PCDHA8: variants seen among roughly 807,000 people sequenced by gnomAD.
PCDHA8 encodes the protein protocadherin alpha-8.
Under a neutral mutation model 61.8 loss-of-function variants are expected in PCDHA8, and 53 were observed. The ratio of observed to expected loss-of-function variants is 0.86; its 90% confidence interval spans 0.69 to 1.08. The LOEUF (loss-of-function observed/expected upper bound fraction) is 1.08. Among genes scored for constraint, PCDHA8 ranks in the 50% least tolerant of loss-of-function variants. PCDHA8 has a pLI of 0.00. For synonymous variants in PCDHA8, 618 were observed against 556.6 expected, an observed-to-expected ratio of 1.11 and a Z score of -1.55; for missense variants, 1,293 against 1,245.0, an observed-to-expected ratio of 1.04 and a Z score of -0.58.
At chr5:140,857,662 TGGG>T (rs782196034) in intron 1 of PCDHA8, 1 of 1,596,528 alleles carries the variant, frequency 6.3e-7, no homozygotes. Context: ...GCGCGCGCGA[TGGG>T]GGCGTGCCGC....
chr5:140,890,096 C>T (rs967857035), intron 1 of PCDHA8, among the ~76,000 whole-genome samples: 1 of 152,124 alleles, frequency 6.6e-6, no homozygotes, highest in Non-Finnish European at 1.5e-5. Flanking sequence ...AAATTTATTC[C>T]CAACTCTGGA....
rs2098423512 is a variant in PCDHA8 at position 141,012,298 on chromosome 5, T to A, written c.*2361T>A. On this transcript the variant is annotated 3_prime_UTR_variant, in exon 4 of 4. Transcript: ENST00000531613. ...ATGTGGATTCATTTTGAATTGGTGC[T>A]ATTGGTATTTCCTCTGTTATTGCTA... is the stretch of plus-strand genomic sequence containing the variant. The A allele has an allele frequency of 6.5e-6, 1 of 153,804 alleles. No individual in the cohort carries two copies. Among genetic ancestry groups the A allele is most frequent in the Non-Finnish European group, 1.5e-5 (1 of 68,048 alleles). 9.5% of individuals were successfully genotyped at this position (153,804 alleles called of 1,614,324 possible). A position where few individuals can be genotyped will look rare whatever the true frequency, so the allele number is the denominator to read the frequency against.
chr5:140,875,751 G>A lies in PCDHA8; in HGVS notation c.2394+32036G>A, dbSNP rs781862261. On this transcript the variant is annotated intron_variant, in intron 1 of 3. Transcript: ENST00000531613. ...TTGTGAATTCTCGGATCGACCGCGA[G>A]AAGCTGTGCGGGCGGAGCGCGGAGT... 1.9e-6 allele frequency: 3 copies of A among 1,614,278 alleles called. No individual in the cohort carries two copies. In the South Asian group the frequency reaches 3.3e-5, roughly 18 times the overall value.
intron 1 of PCDHA8, among the ~76,000 whole-genome samples, chr5:140,971,749 CAT>C (rs143190557): frequency 0.047 from 7,111 of 152,104 alleles, 190 homozygotes; most frequent in Non-Finnish European, 0.062. Context: ...ACATATATCT[CAT>C]ATTACTGAAT....
chr5:140,893,338 T>C (rs1409461265), intron 1 of PCDHA8, among the ~76,000 whole-genome samples: 1 of 152,174 alleles, frequency 6.6e-6, no homozygotes, highest in African/African-American at 2.4e-5. Context: ...TTTTCCTTAG[T>C]GGCAGTGCTA....
chr5:140,943,333 T>C (rs1337058167), intron 1 of PCDHA8, among the ~76,000 whole-genome samples: 1 of 150,974 alleles, frequency 6.6e-6, no homozygotes, highest in East Asian at 1.9e-4. Flanking sequence ...GTAGTATCCA[T>C]TGGACAGGAT....
intron 1 of PCDHA8, among the ~76,000 whole-genome samples, chr5:140,974,086 A>G (rs1554235813): frequency 2.6e-5 from 4 of 152,256 alleles, no homozygotes; most frequent in Non-Finnish European, 5.9e-5. Context: ...CATGACTTCA[A>G]AAATCAAAGG....
intron 1 of PCDHA8, chr5:140,877,685 C>G (rs377753884): frequency 5.0e-6 from 8 of 1,613,628 alleles, no homozygotes; most frequent in African/African-American, 2.7e-5. Flanking sequence ...GGCAAGCCCA[C>G]GCTGGTGTGC....
rs1028376160 is a variant in PCDHA8 at position 140,924,281 on chromosome 5, C to T, written c.2395-54668C>T. Among the ~76,000 whole-genome samples the T allele has an allele frequency of 2.6e-5, 4 of 152,170 alleles. No individual in the cohort carries two copies. The East Asian group carries it at 7.7e-4, about 29-fold the overall frequency. ...TAATGAGGTCTGTACTTGTGACTAC[C>T]TAATAGGCTGACATGTTTCCTCCTT... is the stretch of plus-strand genomic sequence containing the variant. On this transcript the variant is annotated intron_variant, in intron 1 of 3. Coordinates refer to ENST00000531613, the MANE Select transcript of PCDHA8 (RefSeq NM_018911.3).
rs111298048 is a variant in PCDHA8 at position 140,841,325 on chromosome 5, G to A, written c.4G>A (p.Asp2Asn). MDYHWRGELGSW... is the reference protein window; with the variant it reads MNYHWRGELGSW... ...TGATAGGAAACGACTATTTAACATG[G>A]ATTATCACTGGCGAGGAGAGCTGGG... The change falls in exon 1 of 4, where the codon GAT (aspartate) becomes AAT (asparagine). Residue 2 changes from aspartate (D) to asparagine (N), a missense_variant. Asp to Asn is a conservative substitution (Grantham distance 23). Coordinates refer to ENST00000531613, the MANE Select transcript of PCDHA8 (RefSeq NM_018911.3). 9,405 of 1,608,142 alleles carry A rather than the reference G, an allele frequency of 5.8e-3. 135 individuals are homozygous for A. Among genetic ancestry groups the A allele is most frequent in the Non-Finnish European group, 7.0e-3 (8,183 of 1,176,604 alleles).
At chr5:140,984,533 T>C (rs1477702565) in intron 3 of PCDHA8, among the ~76,000 whole-genome samples, 1 of 152,216 alleles carries the variant, frequency 6.6e-6, no homozygotes, top group African/African-American at 2.4e-5. Context: ...CTTCATGGAC[T>C]GTGCTGGATA....
chr5:140,928,863 C>T (rs1554206433), intron 1 of PCDHA8: 8 of 1,614,172 alleles, frequency 5.0e-6, no homozygotes, highest in Middle Eastern at 1.7e-4. Context: ...TGCTGTTGAG[C>T]AACTCTGTCC....
chr5:140,856,440 G>A, intron 1 of PCDHA8: 1 of 1,598,404 alleles, frequency 6.3e-7, no homozygotes, highest in Non-Finnish European at 8.6e-7. Context: ...AACCCGCCCA[G>A]GTTCTCCGTA....
intron 1 of PCDHA8, chr5:140,967,549 T>C (rs781838911): frequency 6.2e-7 from 1 of 1,614,012 alleles, no homozygotes; most frequent in Non-Finnish European, 8.5e-7. Flanking sequence ...ACCAGTCCAC[T>C]TATCGCGTCC....
intron 1 of PCDHA8, among the ~76,000 whole-genome samples, chr5:140,893,662 A>C (rs1462433571): frequency 6.6e-6 from 1 of 152,204 alleles, no homozygotes; most frequent in Non-Finnish European, 1.5e-5. Flanking sequence ...GTTTTAAAAA[A>C]TTTCAGCACT....
intron 1 of PCDHA8, among the ~76,000 whole-genome samples, chr5:140,917,197 C>T (rs928492760): frequency 2.6e-5 from 4 of 152,236 alleles, no homozygotes; most frequent in African/African-American, 7.2e-5. Flanking sequence ...TCTCTCCAAC[C>T]CTCTTCAATG....
At chr5:140,895,115 T>C (rs2064854715) in intron 1 of PCDHA8, among the ~76,000 whole-genome samples, 1 of 152,182 alleles carries the variant, frequency 6.6e-6, no homozygotes, top group Non-Finnish European at 1.5e-5. Flanking sequence ...CAAGAAGACA[T>C]TTGTTAGTTG....
chr5:140,857,779 T>C (rs2044890811), intron 1 of PCDHA8: 2 of 1,597,506 alleles, frequency 1.3e-6, no homozygotes, highest in Non-Finnish European at 8.6e-7. Context: ...GTGCAGTCAG[T>C]GAGCTGGTGC....
intron 1 of PCDHA8, among the ~76,000 whole-genome samples, chr5:140,922,082 G>A (rs2080612980): frequency 6.6e-6 from 1 of 151,908 alleles, no homozygotes. Context: ...AGCAAAAAGT[G>A]GTATTTCTAC....
Sources: gnomAD v4.1 joint callset for allele counts (sites outside exome capture counted in the v4.1 genomes callset) on GRCh38, gnomAD v4.1.1 for gene constraint, MANE v1.5 for transcripts, NCBI Gene and HGNC (gene_info 2026-07-23, HGNC 2026-07-21) for gene names.